Variants in RPH3AL observed in about 807,000 individuals in gnomAD.
RPH3AL encodes rab effector Noc2.
Under a neutral mutation model 43.1 loss-of-function variants are expected in RPH3AL, and 38 were observed. The ratio of observed to expected loss-of-function variants is 0.88; its 90% CI spans 0.68 to 1.15. RPH3AL has a LOEUF of 1.15. RPH3AL is among the 50% of genes most tolerant of loss of function. The pLI is 0.00. For synonymous variants in RPH3AL, 189 were observed against 176.3 expected, an observed-to-expected ratio of 1.07 and a Z score of -0.57; for missense variants, 462 against 423.2, an observed-to-expected ratio of 1.09 and a Z score of -0.81.
rs565152383 is a variant in RPH3AL at position 278,286 on chromosome 17, C to T, written c.438+3482G>A. 9.2e-5 allele frequency among the ~76,000 whole-genome samples: 14 copies of T among 152,292 alleles called. No homozygotes were observed. In the South Asian group the frequency reaches 1.5e-3, roughly 16 times the overall value. ...CTGCCGCCATGTAAGACGTGCCTTT[C>T]GCCTTCCGCCGTGATTGTGAGGCCT... On this transcript the variant is annotated intron_variant, in intron 6 of 9. Coordinates refer to ENST00000331302, the MANE Select transcript of RPH3AL (RefSeq NM_006987.4).
At chr17:316,421 C>A (rs2044191975) in intron 5 of RPH3AL, among the ~76,000 whole-genome samples, 2 of 151,842 alleles carry the variant, frequency 1.3e-5, no homozygotes, top group Non-Finnish European at 1.5e-5. Context: ...CCTGTGACCC[C>A]ACCTCCATTG....
intron 5 of RPH3AL, among the ~76,000 whole-genome samples, chr17:291,663 A>C (rs1270372573): frequency 2.0e-5 from 3 of 152,238 alleles, no homozygotes; most frequent in Non-Finnish European, 2.9e-5. Context: ...CCAAATCTTC[A>C]AAAGGGAAAA....
chr17:318,782 A>G (rs1057513178), intron 5 of RPH3AL, among the ~76,000 whole-genome samples: 3 of 152,244 alleles, frequency 2.0e-5, no homozygotes, highest in African/African-American at 7.2e-5. Flanking sequence ...ATTTAGTATA[A>G]GAAGAAAATC....
rs147709576 is a variant in RPH3AL, at chr17:285,604, A to G, written c.352-3750T>C. Among the ~76,000 whole-genome samples the G allele has an allele frequency of 3.0e-3, 451 of 152,336 alleles. 1 individual carries two copies. Among genetic ancestry groups the G allele is most frequent in the Non-Finnish European group, 4.9e-3 (331 of 68,022 alleles). On this transcript the variant is annotated intron_variant, in intron 5 of 9. Transcript: ENST00000331302. ...TGCAAACTGATTGTGATGGAATAAA[A>G]TGAAAAACAGCTCTGAGGTCACACT... is the stretch of plus-strand genomic sequence containing the variant.
chr17:301,381 G>A (rs1221558282), intron 5 of RPH3AL, among the ~76,000 whole-genome samples: 2 of 152,148 alleles, frequency 1.3e-5, no homozygotes, highest in African/African-American at 4.8e-5. Context: ...ACGGCTCACT[G>A]TAGCTTTAAC....
At chr17:292,824 G>A (rs982064118) in intron 5 of RPH3AL, among the ~76,000 whole-genome samples, 11 of 152,250 alleles carry the variant, frequency 7.2e-5, no homozygotes, top group African/African-American at 2.7e-4. Flanking sequence ...GGCCAGCAGC[G>A]CTGGGAGCAC....
At chr17:288,137 T>A (rs867015521) in intron 5 of RPH3AL, among the ~76,000 whole-genome samples, 4 of 610 alleles carry the variant, frequency 6.6e-3, no homozygotes, top group Non-Finnish European at 0.083. Flanking sequence ...CAGACCTCAC[T>A]CCCTCTCTCC....
In RPH3AL at chr17:320,229, G is replaced by C. The variant is rs530550801; in HGVS notation, c.222-680C>G. 2.2e-4 allele frequency among the ~76,000 whole-genome samples: 31 copies of C among 140,222 alleles called. 3 individuals are homozygous for C. In the East Asian group the frequency reaches 4.9e-3, roughly 22 times the overall value. 92.0% of individuals were successfully genotyped at this position (140,222 alleles called of 152,430 possible). On this transcript the variant is annotated intron_variant, in intron 4 of 9. Coordinates refer to ENST00000331302, the MANE Select transcript of RPH3AL (RefSeq NM_006987.4). ...GGGGAGGGACATTGAGGGGAGGGAG[G>C]GGGAGGGACATTGAGGGACAGGGGC...
At chr17:339,943 G>A (rs1490393925) in intron 1 of RPH3AL, among the ~76,000 whole-genome samples, 1 of 152,110 alleles carries the variant, frequency 6.6e-6, no homozygotes, top group Non-Finnish European at 1.5e-5. Flanking sequence ...GCAGGGGCTG[G>A]GACCTGTGGG....
At chr17:241,335 G>T (rs1196179645) in intron 7 of RPH3AL, among the ~76,000 whole-genome samples, 2 of 152,256 alleles carry the variant, frequency 1.3e-5, no homozygotes, top group African/African-American at 4.8e-5. Flanking sequence ...GGTCAAGGCT[G>T]CAGCGAGCCA....
At chr17:285,618 T>C (rs1250011998) in intron 5 of RPH3AL, among the ~76,000 whole-genome samples, 10 of 152,222 alleles carry the variant, frequency 6.6e-5, no homozygotes, top group Admixed American at 3.3e-4. Flanking sequence ...AAAACAGCTC[T>C]GAGGTCACAC....
chr17:231,868 G>A (rs78994426), intron 7 of RPH3AL, among the ~76,000 whole-genome samples: 5,703 of 152,378 alleles, frequency 0.037, 158 homozygotes, highest in South Asian at 0.065. Context: ...TGGTGTGGCT[G>A]ATGAGGGCCT....
rs1205338792 is a variant in RPH3AL, at chr17:225,649, T to A, written c.614-5913A>T. On this transcript the variant is annotated intron_variant, in intron 7 of 9. Coordinates refer to ENST00000331302, the MANE Select transcript of RPH3AL (RefSeq NM_006987.4). This position sits in a 1 kb window ranked among gnomAD's most constrained non-coding sequence, Gnocchi z 4.4. The stretch of plus-strand genomic sequence containing the variant: ...GAGGACAGTCCTGCGGAGGGTGGGG[T>A]GGCTCGTCTGCACACCGGTTTCCGC... Among the ~76,000 whole-genome samples, 2 of 151,938 alleles carry A rather than the reference T, an allele frequency of 1.3e-5. No individual in the cohort carries two copies. The highest frequency in any genetic ancestry group is 2.9e-5 in the Non-Finnish European group (2 of 67,968).
In RPH3AL at chr17:290,293, G is replaced by A. The variant is rs2043018711; in HGVS notation, c.352-8439C>T. Among the ~76,000 whole-genome samples, 1 of 152,214 alleles carries A rather than the reference G, an allele frequency of 6.6e-6. No individual in the cohort carries two copies. Among genetic ancestry groups the A allele is most frequent in the African/African-American group, 2.4e-5 (1 of 41,450 alleles). ...ACACAGCGGGCAAGTGTCCGAGGAG[G>A]TGGGGTGGTGGCCAGGTGGGCCTCA... is the stretch of plus-strand genomic sequence containing the variant. On this transcript the variant is annotated intron_variant, in intron 5 of 9. Transcript: ENST00000331302. This position sits in a 1 kb window ranked among gnomAD's most constrained non-coding sequence, Gnocchi z 4.2.
Position 215,794 on chromosome 17 carries a change from C to T in RPH3AL, c.736G>A (p.Val246Met), listed in dbSNP as rs569731819. 26 of 1,299,894 alleles carry T rather than the reference C, an allele frequency of 2.0e-5. No homozygotes were observed. Among genetic ancestry groups the T allele is most frequent in the Admixed American group, 4.1e-5 (1 of 24,676 alleles). The allele number at this position is 1,299,894 out of a possible 1,614,324, so 80.5% of individuals were successfully genotyped here. Reference protein sequence around the residue: ...DKPWKESGGSVEAPRMGFTHP... With the variant: ...DKPWKESGGSMEAPRMGFTHP... ...GTGAACCCCATCCTGGGGGCCTCCA[C>T]GCTGCCACCTGTGGGAAATCACGTG... Residue 246 changes from valine to methionine, a missense_variant, in exon 9 of 10, where the codon GTG (valine) becomes ATG (methionine). Coordinates refer to ENST00000331302, the MANE Select transcript of RPH3AL (RefSeq NM_006987.4). The surrounding 1 kb of genome is among the most constrained non-coding windows in gnomAD (Gnocchi z 4.1).
chr17:269,769 A>G (rs913118191), intron 6 of RPH3AL, among the ~76,000 whole-genome samples: 1 of 152,202 alleles, frequency 6.6e-6, no homozygotes, highest in Non-Finnish European at 1.5e-5. Flanking sequence ...GTGAACGATG[A>G]ACTCACGGAC....
chr17:235,679 T>TCCGCA (rs2041363822), intron 7 of RPH3AL, among the ~76,000 whole-genome samples: 1 of 100,654 alleles, frequency 9.9e-6, no homozygotes, highest in Non-Finnish European at 2.1e-5. Flanking sequence ...CAGCGGAGGC[T>TCCGCA]CTACACTAAC....
intron 2 of RPH3AL, chr17:332,277 AGCGTGTGTGTGTGC>A (rs1555527849): frequency 4.1e-5 from 10 of 241,398 alleles, no homozygotes; most frequent in Non-Finnish European, 7.8e-5. Context: ...GGGAAGGAGG[AGCGTGTGTGTGTGC>A]GCGTGTGTGT....
rs1020179848 is a variant in RPH3AL at position 351,884 on chromosome 17, C to T, written c.-213+828G>A. On this transcript the variant is annotated intron_variant, in intron 1 of 9. Transcript: ENST00000331302. ...TTTAAATGCTTGTCCATGTGCCTGA[C>T]GAGGTAAACCTATATACAGGTTGTA... is the stretch of plus-strand genomic sequence containing the variant. Among the ~76,000 whole-genome samples the T allele has an allele frequency of 9.2e-5, 14 of 152,282 alleles. 1 individual carries two copies. The highest frequency in any genetic ancestry group is 8.3e-4 in the South Asian group (4 of 4,832).
Sources: gnomAD v4.1 joint callset for allele counts (sites outside exome capture counted in the v4.1 genomes callset) on GRCh38, gnomAD v4.1.1 for gene constraint, Gnocchi (gnomAD v3.1) non-coding constraint, MANE v1.5 for transcripts, NCBI Gene and HGNC (gene_info 2026-07-23, HGNC 2026-07-21) for gene names.